Variants in FBXO31 observed in about 807,000 individuals in gnomAD.
The protein encoded by FBXO31 is F-box protein 31.
FBXO31 carries 24 observed loss-of-function variants against 54.4 expected under a neutral mutation model. The ratio of observed to expected loss-of-function variants is 0.44; its 90% CI spans 0.32 to 0.62. The LOEUF (loss-of-function observed/expected upper bound fraction) is 0.62. Ranked by LOEUF, FBXO31 falls within the 20% of genes least tolerant of loss-of-function variation. The pLI, the probability that FBXO31 is intolerant of heterozygous loss-of-function variation, is 0.05. For missense variants in FBXO31, 665 were observed against 787.1 expected, an observed-to-expected ratio of 0.84 and a Z score of 1.86; for synonymous variants, 388 against 335.6, an observed-to-expected ratio of 1.16 and a Z score of -1.71.
At chr16:87,362,715 C>T (rs1453988058) in intron 1 of FBXO31, 2 of 152,228 alleles carry the variant, frequency 1.3e-5, no homozygotes, top group African/African-American at 4.8e-5. Flanking sequence ...CACACAACAC[C>T]ATGCTGGGCC....
rs1905415100 is a variant in FBXO31 at position 87,346,930 on chromosome 16, AC to A, written c.489+243del. The stretch of plus-strand genomic sequence containing the variant: ...CAGGAAGCAAAGGCCCTCACAAGCC[AC>A]CCCCTCAGACCAGAGAGTCCAAGGA... On this transcript the variant is annotated intron_variant, in intron 3 of 8. Coordinates refer to ENST00000311635, the MANE Select transcript of FBXO31 (RefSeq NM_024735.5). This position sits in a 1 kb window ranked among gnomAD's most constrained non-coding sequence, Gnocchi z 4.2. 1.3e-5 allele frequency among the ~76,000 whole-genome samples: 2 copies of A among 152,122 alleles called. No homozygotes were observed. The highest frequency in any genetic ancestry group is 4.8e-5 in the African/African-American group (2 of 41,418).
At chr16:87,337,886 G>A (rs1453367793) in intron 5 of FBXO31, among the ~76,000 whole-genome samples, 1 of 151,464 alleles carries the variant, frequency 6.6e-6, no homozygotes, top group South Asian at 2.1e-4. Flanking sequence ...CAATTTTTAG[G>A]ACTTTTTTAG....
intron 2 of FBXO31, among the ~76,000 whole-genome samples, chr16:87,357,000 C>CTT (rs1398356551): frequency 6.6e-6 from 1 of 152,164 alleles, no homozygotes; most frequent in African/African-American, 2.4e-5. Context: ...AATCCCAACA[C>CTT]TTTGAGAGGC....
rs200233151 is a variant in FBXO31 at position 87,335,326 on chromosome 16, C to T, written c.974G>A (p.Arg325His). ...EIVMLSFHGR[R>H]ARGTKITGDP... ...CACCGTGATCTTGGTGCCCCTGGCA[C>T]GCCGGCCGTGGAAGCTGAGCATCAC... Residue 325 changes from arginine (R) to histidine (H), a missense_variant, in exon 7 of 9, where the codon CGT becomes CAT. By Grantham distance (29) the Arg-to-His change is conservative. Transcript: ENST00000311635. This position sits in a 1 kb window ranked among gnomAD's most constrained non-coding sequence, Gnocchi z 5.7. 17 of 1,613,878 alleles carry T rather than the reference C, an allele frequency of 1.1e-5. No homozygotes were observed. Among genetic ancestry groups the T allele is most frequent in the East Asian group, 4.5e-5 (2 of 44,872 alleles).
chr16:87,331,011 C>T lies in FBXO31; in HGVS notation c.*277G>A, dbSNP rs1042226593. The T allele has an allele frequency of 1.1e-5, 4 of 377,020 alleles. No homozygotes were observed. The highest frequency in any genetic ancestry group is 4.1e-5 in the Admixed American group (1 of 24,162). 23.4% of individuals were successfully genotyped at this position (377,020 alleles called of 1,614,324 possible). A position where few individuals can be genotyped will look rare whatever the true frequency, so the allele number is the denominator to read the frequency against. ...GAACCCCACCGCTTCAATTCTCACG[C>T]GGTCCCACGGCTGTCCCCTACATCT... On this transcript the variant is annotated 3_prime_UTR_variant, in exon 9 of 9. Coordinates refer to ENST00000311635, the MANE Select transcript of FBXO31 (RefSeq NM_024735.5).
chr16:87,334,750 G>A (rs1209803878), intron 7 of FBXO31, among the ~76,000 whole-genome samples: 1 of 152,258 alleles, frequency 6.6e-6, no homozygotes, highest in African/African-American at 2.4e-5. Flanking sequence ...TTCAGGCGCT[G>A]TCTGCCAGGA....
Position 87,361,499 on chromosome 16 carries a change from G to A in FBXO31, c.341-1133C>T, listed in dbSNP as rs571123351. On this transcript the variant is annotated intron_variant, in intron 1 of 8. Transcript: ENST00000311635. ...GTGAGAGCCTGACAGTGACCTTGAA[G>A]GTCAGGACCCTCCCTGTGGCAGCGA... 6.4e-4 allele frequency among the ~76,000 whole-genome samples: 97 copies of A among 152,288 alleles called. 1 individual carries two copies. The highest frequency in any genetic ancestry group is 2.3e-3 in the African/African-American group (97 of 41,552).
Position 87,331,206 on chromosome 16 carries a change from C to A in FBXO31, c.*82G>T. The A allele has an allele frequency of 2.1e-6, 3 of 1,434,036 alleles. No individual in the cohort carries two copies. Among genetic ancestry groups the A allele is most frequent in the South Asian group, 2.5e-5 (2 of 80,348 alleles). The allele number at this position is 1,434,036 out of a possible 1,614,324, so 88.8% of individuals were successfully genotyped here. On this transcript the variant is annotated 3_prime_UTR_variant, in exon 9 of 9. Transcript: ENST00000311635. ...CGTTCTGGTCAAAAGGCCGGATTTC[C>A]AAAGTGCATGCTGCTTCTATTCACA...
chr16:87,346,822 G>T lies in FBXO31; in HGVS notation c.489+352C>A, dbSNP rs1029302526. Among the ~76,000 whole-genome samples, 1 of 152,170 alleles carries T rather than the reference G, an allele frequency of 6.6e-6. No homozygotes were observed. The highest frequency in any genetic ancestry group is 1.5e-5 in the Non-Finnish European group (1 of 68,036). Reference sequence around the variant, plus strand: ...CAGAGTGCACCATGGCTGGAACATGGGGGGCAAAGACCAGGAACGGAAGGA... The same window carrying T: ...CAGAGTGCACCATGGCTGGAACATGTGGGGCAAAGACCAGGAACGGAAGGA... On this transcript the variant is annotated intron_variant, in intron 3 of 8. Transcript: ENST00000311635. This position sits in a 1 kb window ranked among gnomAD's most constrained non-coding sequence, Gnocchi z 4.2.
chr16:87,377,593 A>G (rs1906879207), intron 1 of FBXO31, among the ~76,000 whole-genome samples: 1 of 152,210 alleles, frequency 6.6e-6, no homozygotes, highest in South Asian at 2.1e-4. Context: ...TAGGAGGCCA[A>G]GGTGGGCAGA....
At chr16:87,385,238 C>A (rs1907287340), upstream of FBXO31, among the ~76,000 whole-genome samples, 1 of 152,178 alleles carries the variant, frequency 6.6e-6, no homozygotes, top group Non-Finnish European at 1.5e-5. Flanking sequence ...GCGGGCAGAT[C>A]ATGAGGTCAG....
chr16:87,383,940 T>C (rs1422461098), upstream of FBXO31: 5 of 276,890 alleles, frequency 1.8e-5, no homozygotes, highest in Non-Finnish European at 3.2e-5. This position sits in a 1 kb window ranked among gnomAD's most constrained non-coding sequence, Gnocchi z 4.9. Flanking sequence ...CCCGCACTGC[T>C]GCCCTCCCCT....
intron 1 of FBXO31, among the ~76,000 whole-genome samples, chr16:87,366,083 G>C (rs540824689): frequency 1.3e-5 from 2 of 152,224 alleles, no homozygotes; most frequent in African/African-American, 2.4e-5. Flanking sequence ...AAACCAAGCA[G>C]AGTCTAACAA....
chr16:87,331,209 AGTGC>A lies in FBXO31; in HGVS notation c.*75_*78del. 6.9e-7 allele frequency: 1 copy of A among 1,443,094 alleles called. No individual in the cohort carries two copies. The highest frequency in any genetic ancestry group is 9.6e-7 in the Non-Finnish European group (1 of 1,041,426). 89.4% of individuals were successfully genotyped at this position (1,443,094 alleles called of 1,614,324 possible). Reference sequence around the variant, plus strand: ...TCTGGTCAAAAGGCCGGATTTCCAAAGTGCATGCTGCTTCTATTCACAGGTCAGA... The same window carrying A: ...TCTGGTCAAAAGGCCGGATTTCCAAAATGCTGCTTCTATTCACAGGTCAGA... On this transcript the variant is annotated 3_prime_UTR_variant, in exon 9 of 9. Transcript: ENST00000311635.
At chr16:87,363,300 C>A (rs1906215526) in intron 1 of FBXO31, among the ~76,000 whole-genome samples, 1 of 152,164 alleles carries the variant, frequency 6.6e-6, no homozygotes, top group African/African-American at 2.4e-5. Context: ...AGGAGAATCG[C>A]TTGAACTCAG....
rs541328284 is a variant in FBXO31, at chr16:87,333,610, G to A, written c.1397+276C>T. On this transcript the variant is annotated intron_variant, in intron 8 of 8. Coordinates refer to ENST00000311635, the MANE Select transcript of FBXO31 (RefSeq NM_024735.5). Reference sequence around the variant, plus strand: ...GAGCGGCACTATTGCAGGGATGTGAGGCATCTGGAAGCCTCATGCCCCTGC... The same window carrying A: ...GAGCGGCACTATTGCAGGGATGTGAAGCATCTGGAAGCCTCATGCCCCTGC... Among the ~76,000 whole-genome samples the A allele has an allele frequency of 1.1e-4, 17 of 152,368 alleles. No individual in the cohort carries two copies. In the East Asian group the frequency reaches 3.3e-3, roughly 29 times the overall value.
chr16:87,374,832 T>A (rs562061600), intron 1 of FBXO31, among the ~76,000 whole-genome samples: 5 of 152,230 alleles, frequency 3.3e-5, no homozygotes, highest in Admixed American at 6.5e-5. Context: ...TTCAGAATGA[T>A]GCTATGAATT....
chr16:87,329,539 C>G lies in FBXO31; in HGVS notation c.*1749G>C, dbSNP rs904076866. ...CCAACAGTCCTCCAGGCTTCAAGGC[C>G]ACAGTCACCGTCACTCAGAGACTGC... On this transcript the variant is annotated 3_prime_UTR_variant, in exon 9 of 9. Transcript: ENST00000311635. 2.0e-4 allele frequency: 31 copies of G among 152,402 alleles called. No individual in the cohort carries two copies. The highest frequency in any genetic ancestry group is 7.2e-4 in the African/African-American group (30 of 41,584). 9.4% of individuals were successfully genotyped at this position (152,402 alleles called of 1,614,324 possible). A position where few individuals can be genotyped will look rare whatever the true frequency, so the allele number is the denominator to read the frequency against.
At chr16:87,388,406 C>T (rs572159118), upstream of FBXO31, among the ~76,000 whole-genome samples, 3 of 152,354 alleles carry the variant, frequency 2.0e-5, no homozygotes, top group East Asian at 5.8e-4. Flanking sequence ...TGTTTGTTTA[C>T]TTGCTCTCAA....
Sources: gnomAD v4.1 joint callset for allele counts (sites outside exome capture counted in the v4.1 genomes callset) on GRCh38, gnomAD v4.1.1 for gene constraint, Gnocchi (gnomAD v3.1) non-coding constraint, MANE v1.5 for transcripts, NCBI Gene and HGNC (gene_info 2026-07-23, HGNC 2026-07-21) for gene names.